Variants in FREM3 observed in about 807,000 individuals in gnomAD.
FREM3 encodes FRAS1-related extracellular matrix protein 3.
A neutral mutation model predicts 129.1 loss-of-function variants in FREM3; 105 were observed. The observed-to-expected ratio is 0.81, with a 90% CI of 0.69 to 0.96. The LOEUF is 0.96. Ranked by LOEUF, FREM3 falls within the 40% of genes least tolerant of loss-of-function variation. FREM3 has a pLI of 0.00. For missense variants in FREM3, 2,593 were observed against 2,666.3 expected (o/e 0.97, Z 0.61); for synonymous variants, 1,014 against 1,044.9 (o/e 0.97, Z 0.57).
At chr4:143,587,011 G>C (rs1247478209) in intron 6 of FREM3, among the ~76,000 whole-genome samples, 2 of 152,090 alleles carry the variant, frequency 1.3e-5, no homozygotes, top group Non-Finnish European at 2.9e-5. Flanking sequence ...TCAAATTTTT[G>C]GAGGCTAGGA....
intron 2 of FREM3, among the ~76,000 whole-genome samples, chr4:143,676,469 T>A (rs1006782382): frequency 2.0e-5 from 3 of 152,198 alleles, no homozygotes; most frequent in Non-Finnish European, 4.4e-5. Context: ...GCATTCCCTT[T>A]GAAAACTGGC....
intron 2 of FREM3, among the ~76,000 whole-genome samples, chr4:143,630,056 C>T (rs1312643298): frequency 6.6e-6 from 1 of 152,166 alleles, no homozygotes; most frequent in Non-Finnish European, 1.5e-5. Flanking sequence ...AGAGCATAGA[C>T]TCCTGAGTCA....
At chr4:143,647,927 A>T (rs1175651088) in intron 2 of FREM3, among the ~76,000 whole-genome samples, 1 of 152,194 alleles carries the variant, frequency 6.6e-6, no homozygotes, top group Non-Finnish European at 1.5e-5. Context: ...TAGAACCATT[A>T]ACAGCTTACA....
chr4:143,673,709 G>T (rs906638021), intron 2 of FREM3, among the ~76,000 whole-genome samples: 2 of 152,256 alleles, frequency 1.3e-5, no homozygotes, highest in Non-Finnish European at 2.9e-5. Flanking sequence ...ACAGAGGCAG[G>T]CAGGCCTCCT....
chr4:143,600,869 C>T (rs1451090446), intron 6 of FREM3, among the ~76,000 whole-genome samples: 1 of 152,012 alleles, frequency 6.6e-6, no homozygotes, highest in African/African-American at 2.4e-5. Context: ...TGCCTGAGAA[C>T]TTTTTATCAG....
chr4:143,616,719 G>A (rs1738857235), intron 5 of FREM3, among the ~76,000 whole-genome samples: 1 of 151,870 alleles, frequency 6.6e-6, no homozygotes, highest in Non-Finnish European at 1.5e-5. Flanking sequence ...CGTGAACCCG[G>A]GAGGCGGAGC....
chr4:143,641,221 G>A (rs943159068), intron 2 of FREM3, among the ~76,000 whole-genome samples: 2 of 152,100 alleles, frequency 1.3e-5, no homozygotes, highest in African/African-American at 4.8e-5. Flanking sequence ...TATGTACACA[G>A]TGTACTCAAA....
intron 2 of FREM3, among the ~76,000 whole-genome samples, chr4:143,663,956 C>G (rs1429422454): frequency 1.3e-5 from 2 of 152,148 alleles, no homozygotes; most frequent in Non-Finnish European, 2.9e-5. Context: ...AAGCACTTCT[C>G]TGTATTGGTT....
intron 5 of FREM3, among the ~76,000 whole-genome samples, chr4:143,613,076 A>G (rs1398225626): frequency 1.3e-5 from 2 of 152,264 alleles, no homozygotes; most frequent in Non-Finnish European, 2.9e-5. Context: ...AGTGGGCTCC[A>G]ACCGACTTCA....
chr4:143,619,870 T>C (rs767015016), intron 5 of FREM3, among the ~76,000 whole-genome samples: 1 of 152,006 alleles, frequency 6.6e-6, no homozygotes, highest in Non-Finnish European at 1.5e-5. Flanking sequence ...TGTGGGGGTA[T>C]TATTTAAAAA....
chr4:143,631,209 A>G (rs1317310446), intron 2 of FREM3, among the ~76,000 whole-genome samples: 2 of 152,140 alleles, frequency 1.3e-5, no homozygotes, highest in African/African-American at 4.8e-5. Context: ...GCCAAAGACA[A>G]TATTATTTGA....
intron 6 of FREM3, among the ~76,000 whole-genome samples, chr4:143,597,220 A>G (rs1253287266): frequency 6.6e-6 from 1 of 152,204 alleles, no homozygotes; most frequent in African/African-American, 2.4e-5. Context: ...GAAAATCAAG[A>G]GAGTAAAGAA....
intron 2 of FREM3, among the ~76,000 whole-genome samples, chr4:143,661,435 A>C (rs1203399327): frequency 1.3e-5 from 2 of 151,986 alleles, no homozygotes; most frequent in African/African-American, 4.8e-5. Context: ...CCCAGGGATG[A>C]AGCCCACTTG....
At chr4:143,642,948 T>C (rs1739347171) in intron 2 of FREM3, among the ~76,000 whole-genome samples, 1 of 151,978 alleles carries the variant, frequency 6.6e-6, no homozygotes, top group African/African-American at 2.4e-5. Context: ...CAGAAAACAA[T>C]GGGCAGAAGG....
chr4:143,698,690 T>C lies in FREM3; in HGVS notation c.1986A>G (p.Pro662=). 2 of 1,537,510 alleles carry C rather than the reference T, an allele frequency of 1.3e-6. No homozygotes were observed. Among genetic ancestry groups the C allele is most frequent in the South Asian group, 2.4e-5 (2 of 84,060 alleles). ...GGACCATTACAGATTGAGGGCTGTG[T>C]GGTCCAAGATGGCGGTAGAAGAGTC... ...EGRLFYRHLG[P]HSPQSVMVQL... Residue 662 remains proline, a synonymous_variant, in exon 1 of 8, where the codon CCA becomes CCG. Coordinates refer to ENST00000329798, the MANE Select transcript of FREM3 (RefSeq NM_001168235.2).
At chr4:143,617,574 T>A (rs182585006) in intron 5 of FREM3, among the ~76,000 whole-genome samples, 222 of 152,326 alleles carry the variant, frequency 1.5e-3, no homozygotes, top group Non-Finnish European at 2.3e-3. Context: ...TGGCTATATA[T>A]CCAGAGATAG....
intron 6 of FREM3, among the ~76,000 whole-genome samples, chr4:143,603,853 A>T (rs1738619919): frequency 6.6e-6 from 1 of 152,120 alleles, no homozygotes; most frequent in South Asian, 2.1e-4. Context: ...TGTATAGCCA[A>T]CCACTAACCA....
Position 143,698,029 on chromosome 4 carries a change from A to G in FREM3, c.2647T>C (p.Cys883Arg), listed in dbSNP as rs986687706. The change falls in exon 1 of 8, where the codon TGT becomes CGT. Residue 883 changes from cysteine (C) to arginine (R), a missense_variant. Physicochemically the swap from Cys to Arg is radical, Grantham distance 180. Around this residue, in one of 2 missense-constraint regions of FREM3, gnomAD observed 2,276 missense variants for 2,267.2 expected, o/e 1.00. Coordinates refer to ENST00000329798, the MANE Select transcript of FREM3 (RefSeq NM_001168235.2). ...QHGHLQYFKR[C>R]MVPGESFMQA... ...ATGAAAGATTCCCCTGGGACCATAC[A>G]TCTTTTAAAGTACTGCAAGTGTCCA... The G allele has an allele frequency of 6.5e-7, 1 of 1,537,200 alleles. No individual in the cohort carries two copies. The highest frequency in any genetic ancestry group is 1.4e-5 in the African/African-American group (1 of 73,032).
chr4:143,592,893 G>T (rs1560837437), intron 6 of FREM3, among the ~76,000 whole-genome samples: 1 of 152,162 alleles, frequency 6.6e-6, no homozygotes, highest in Middle Eastern at 3.4e-3. Context: ...ACGTAGATTT[G>T]GTCTTTTCAC....
Sources: allele counts gnomAD v4.1 joint callset (sites outside exome capture counted in the v4.1 genomes callset), GRCh38; gene constraint gnomAD v4.1.1; regional missense constraint gnomAD v4.1.1; transcripts MANE v1.5; gene names NCBI Gene and HGNC (gene_info 2026-07-23, HGNC 2026-07-21).